SDK1: variants seen among roughly 807,000 people sequenced by gnomAD.
The protein encoded by SDK1 is protein sidekick-1.
SDK1 carries 157 observed loss-of-function variants against 245.5 expected under a neutral mutation model. The observed-to-expected ratio is 0.64, with a 90% CI of 0.56 to 0.73. The LOEUF (loss-of-function observed/expected upper bound fraction) is 0.73, where lower values mean the gene tolerates loss of function less well. Among genes scored for constraint, SDK1 ranks in the 30% least tolerant of loss-of-function variants. SDK1 has a pLI of 0.00. For missense variants in SDK1, 3,583 were observed against 3,002.3 expected (o/e 1.19, Z -4.52); for synonymous variants, 1,647 against 1,278.5 (o/e 1.29, Z -6.15).
intron 44 of SDK1, 124 bp from the exon 45 acceptor site, chr7:4,265,000 G>T (rs570893211): frequency 4.9e-6 from 7 of 1,423,820 alleles, no homozygotes; most frequent in Non-Finnish European, 6.5e-6. Flanking sequence ...TTGGGGTGGG[G>T]AGAGGGCTGG....
chr7:3,395,269 T>A (rs1273805204), intron 1 of SDK1, among the ~76,000 whole-genome samples: 1 of 152,032 alleles, frequency 6.6e-6, no homozygotes, highest in Non-Finnish European at 1.5e-5. Flanking sequence ...TATGATGCAT[T>A]ACTTTAATTG....
intron 1 of SDK1, among the ~76,000 whole-genome samples, chr7:3,331,210 G>A (rs568285118): frequency 2.0e-5 from 3 of 152,226 alleles, no homozygotes; most frequent in African/African-American, 7.2e-5. Context: ...ATTGCAGTGA[G>A]CCGAGATTGC....
intron 17 of SDK1, among the ~76,000 whole-genome samples, chr7:4,033,745 A>G (rs185982049): frequency 1.3e-5 from 2 of 152,336 alleles, no homozygotes; most frequent in Non-Finnish European, 2.9e-5. Flanking sequence ...AAGTGATGGT[A>G]CACAGACACA....
intron 1 of SDK1, among the ~76,000 whole-genome samples, chr7:3,350,057 A>T (rs1054056155): frequency 1.3e-5 from 2 of 152,190 alleles, no homozygotes; most frequent in Non-Finnish European, 2.9e-5. Flanking sequence ...AATGTAGCCC[A>T]ATAACAAAAG....
At chr7:3,504,204 G>GTGTGTGTGTGTGTGTGTC (rs1366098273) in intron 1 of SDK1, among the ~76,000 whole-genome samples, 1 of 151,268 alleles carries the variant, frequency 6.6e-6, no homozygotes, top group African/African-American at 2.4e-5. Context: ...GTGTGTGTGT[G>GTGTGTGTGTGTGTGTGTC]TGTGTGTGTA....
chr7:3,374,384 A>G (rs572169853), intron 1 of SDK1, among the ~76,000 whole-genome samples: 1 of 152,180 alleles, frequency 6.6e-6, no homozygotes, highest in African/African-American at 2.4e-5. Flanking sequence ...TTTTTTCTAC[A>G]ATTGATTTTC....
At chr7:4,133,224 A>G (rs1186346083) in intron 28 of SDK1, among the ~76,000 whole-genome samples, 2 of 152,262 alleles carry the variant, frequency 1.3e-5, no homozygotes, top group Non-Finnish European at 2.9e-5. Flanking sequence ...TACAGCCAGC[A>G]TACCAACTCT....
chr7:3,424,983 G>A (rs1779636479), intron 1 of SDK1, among the ~76,000 whole-genome samples: 1 of 152,010 alleles, frequency 6.6e-6, no homozygotes, highest in South Asian at 2.1e-4. Context: ...GAAGTAGCAG[G>A]GCTGACCAAA....
intron 5 of SDK1, among the ~76,000 whole-genome samples, chr7:3,946,160 C>T (rs1020396439): frequency 6.7e-6 from 1 of 149,844 alleles, no homozygotes; most frequent in African/African-American, 2.5e-5. Context: ...ATAAACCCCC[C>T]TACACTTAGA....
intron 5 of SDK1, among the ~76,000 whole-genome samples, chr7:3,923,984 A>G (rs561530668): frequency 1.5e-3 from 228 of 152,266 alleles, no homozygotes; most frequent in African/African-American, 5.1e-3. Context: ...TTTGATTCTC[A>G]GCAGAAATGC....
intron 17 of SDK1, among the ~76,000 whole-genome samples, chr7:4,033,528 A>G (rs925629837): frequency 1.3e-5 from 2 of 152,258 alleles, no homozygotes; most frequent in Non-Finnish European, 2.9e-5. Flanking sequence ...GCAAAGGAAA[A>G]CAAGACAAAT....
At chr7:3,681,926 C>G (rs933277459) in intron 4 of SDK1, among the ~76,000 whole-genome samples, 1 of 152,146 alleles carries the variant, frequency 6.6e-6, no homozygotes, top group African/African-American at 2.4e-5. Flanking sequence ...TATACAGTCC[C>G]TATACTGTAT....
At chr7:3,735,928 C>A (rs1401861743) in intron 4 of SDK1, among the ~76,000 whole-genome samples, 2 of 152,094 alleles carry the variant, frequency 1.3e-5, no homozygotes, top group Non-Finnish European at 2.9e-5. Flanking sequence ...TTCCATTTTC[C>A]TGATCATTGG....
intron 5 of SDK1, among the ~76,000 whole-genome samples, chr7:3,936,817 C>T (rs973719074): frequency 6.6e-6 from 1 of 152,134 alleles, no homozygotes; most frequent in Non-Finnish European, 1.5e-5. Context: ...GTCCTCTGGG[C>T]CCTGCTGGAT....
chr7:3,657,407 G>A lies in SDK1; in HGVS notation c.713+15302G>A, dbSNP rs191654493. 3.3e-5 allele frequency among the ~76,000 whole-genome samples: 5 copies of A among 152,250 alleles called. No homozygotes were observed. In the South Asian group the frequency reaches 8.3e-4, roughly 25 times the overall value. ...CGGGTGGGGCACAGCACACCCTGCC[G>A]AGTCCTGGAAAGAGGGTGAGGAGCG... On this transcript the variant is annotated intron_variant, in intron 4 of 44. Transcript: ENST00000404826.
At chr7:3,522,192 G>A (rs1166728181) in intron 1 of SDK1, among the ~76,000 whole-genome samples, 1 of 151,878 alleles carries the variant, frequency 6.6e-6, no homozygotes, top group African/African-American at 2.4e-5. Context: ...TCAGAATGAT[G>A]CATCTTTCTC....
intron 32 of SDK1, among the ~76,000 whole-genome samples, chr7:4,173,744 G>C (rs552338810): frequency 2.6e-5 from 4 of 152,322 alleles, no homozygotes; most frequent in African/African-American, 9.6e-5. Context: ...ACAGTGGGGT[G>C]GCCTGGCATG....
At chr7:3,473,655 A>T (rs1031017158) in intron 1 of SDK1, among the ~76,000 whole-genome samples, 2 of 150,854 alleles carry the variant, frequency 1.3e-5, no homozygotes, top group Non-Finnish European at 3.0e-5. Context: ...TCCTGGGTCC[A>T]GGTACTAATA....
intron 1 of SDK1, among the ~76,000 whole-genome samples, chr7:3,351,848 A>G (rs1012855215): frequency 4.6e-5 from 7 of 152,180 alleles, no homozygotes; most frequent in Admixed American, 1.3e-4. Flanking sequence ...ATCTTAGGAT[A>G]TGGAAGACTT....
Sources: gnomAD v4.1 joint callset for allele counts (sites outside exome capture counted in the v4.1 genomes callset) on GRCh38, gnomAD v4.1.1 for gene constraint, MANE v1.5 for transcripts, NCBI Gene and HGNC (gene_info 2026-07-23, HGNC 2026-07-21) for gene names.